FTCDNL1: variants seen among roughly 807,000 people sequenced by gnomAD.
FTCDNL1 encodes the protein formiminotransferase N-terminal subdomain-containing protein.
A neutral mutation model predicts 5.9 loss-of-function variants in FTCDNL1; 11 were observed. That is an observed-to-expected ratio of 1.87 (90% confidence interval 1.18 to 3.10). FTCDNL1 has a LOEUF of 3.10. Ranked by LOEUF, FTCDNL1 falls within the 30% of genes most tolerant of loss-of-function variation. FTCDNL1 has a pLI of 0.00. For missense variants in FTCDNL1, 115 were observed against 65.5 expected, an observed-to-expected ratio of 1.76 and a Z score of -2.61; for synonymous variants, 58 against 24.8, an observed-to-expected ratio of 2.34 and a Z score of -3.99.
chr2:199,729,119 A>G, the FTCDNL1 span, among the ~76,000 whole-genome samples: 4 of 152,240 alleles, frequency 2.6e-5, no homozygotes, highest in Non-Finnish European at 5.9e-5. Flanking sequence ...GACGGAATAC[A>G]TGACATTTGG....
Position 199,811,379 on chromosome 2 carries a change from T to A in FTCDNL1, c.*1326A>T, listed in dbSNP as rs7589545. On this transcript the variant is annotated 3_prime_UTR_variant, in exon 5 of 5. Coordinates refer to ENST00000420128, the MANE Select transcript of FTCDNL1 (RefSeq NM_001363886.2). ...CCTTATGTCCTAAAATCTAATGTAC[T>A]TATCCTATTTTGACTCAAGGAATGG... Among the ~76,000 whole-genome samples, 125,839 of 152,216 alleles carry A rather than the reference T, an allele frequency of 0.83. 52,128 individuals are homozygous for A. Among genetic ancestry groups the A allele is most frequent in the Admixed American group, 0.89 (13,636 of 15,294 alleles).
the FTCDNL1 span, among the ~76,000 whole-genome samples, chr2:199,702,741 A>G: frequency 6.6e-6 from 1 of 152,234 alleles, no homozygotes; most frequent in Non-Finnish European, 1.5e-5. Context: ...GCAAATAGTG[A>G]TAAAACACTG....
At chr2:199,837,180 G>A (rs1176969953) in intron 3 of FTCDNL1, among the ~76,000 whole-genome samples, 1 of 152,176 alleles carries the variant, frequency 6.6e-6, no homozygotes, top group South Asian at 2.1e-4. Flanking sequence ...ATGCATTTAT[G>A]AGCAACCCGG....
chr2:199,711,433 A>G, the FTCDNL1 span, among the ~76,000 whole-genome samples: 1 of 152,138 alleles, frequency 6.6e-6, no homozygotes, highest in East Asian at 1.9e-4. Flanking sequence ...GCTTTATTAG[A>G]AAAACATGTA....
chr2:199,848,699 T>C lies in FTCDNL1; in HGVS notation c.115+149A>G. 3 of 544,000 alleles carry C rather than the reference T, an allele frequency of 5.5e-6. No homozygotes were observed. The South Asian group carries it at 7.8e-5, about 14-fold the overall frequency. The allele number at this position is 544,000 out of a possible 1,614,324, so 33.7% of individuals were successfully genotyped here. ...ACTGAGCTATCTCAGTATCCTGGAG[T>C]TGCGCAGAGCTGCAACAGCTCAAGA... On this transcript the variant is annotated intron_variant, in intron 2 of 4. Coordinates refer to ENST00000420128, the MANE Select transcript of FTCDNL1 (RefSeq NM_001363886.2).
At chr2:199,697,423 G>T in the FTCDNL1 span, among the ~76,000 whole-genome samples, 2 of 152,130 alleles carry the variant, frequency 1.3e-5, no homozygotes, top group Admixed American at 1.3e-4. Flanking sequence ...GAGGCTAATA[G>T]TGAACCTTTA....
chr2:199,786,891 AGGTGTCACCT>A (rs1699678744), intron 3 of FTCDNL1, among the ~76,000 whole-genome samples: 2 of 152,206 alleles, frequency 1.3e-5, no homozygotes, highest in African/African-American at 4.8e-5. Context: ...GTGAAAATCA[AGGTGTCACCT>A]GGGCTCCATT....
intron 3 of FTCDNL1, among the ~76,000 whole-genome samples, chr2:199,827,896 T>C (rs1228576265): frequency 6.6e-6 from 1 of 152,210 alleles, no homozygotes; most frequent in Admixed American, 6.5e-5. Context: ...TCCTCTTCCA[T>C]TCTGTCATCT....
At chr2:199,799,824 C>A (rs1700354676) in intron 3 of FTCDNL1, among the ~76,000 whole-genome samples, 1 of 152,136 alleles carries the variant, frequency 6.6e-6, no homozygotes, top group African/African-American at 2.4e-5. Flanking sequence ...AATGTTTTGC[C>A]ATTCCCAGAC....
the FTCDNL1 span, among the ~76,000 whole-genome samples, chr2:199,750,684 G>A: frequency 1.4e-4 from 22 of 152,264 alleles, 1 homozygote; most frequent in South Asian, 4.6e-3. Context: ...GCCAGGTAGG[G>A]GCCCTGAAGA....
the FTCDNL1 span, among the ~76,000 whole-genome samples, chr2:199,687,718 G>A: frequency 1.3e-5 from 2 of 152,080 alleles, no homozygotes; most frequent in Non-Finnish European, 2.9e-5. Flanking sequence ...CTGACCATGG[G>A]AAATTACATT....
At chr2:199,679,676 T>C in the FTCDNL1 span, among the ~76,000 whole-genome samples, 1 of 152,042 alleles carries the variant, frequency 6.6e-6, no homozygotes, top group African/African-American at 2.4e-5. Context: ...TTTCAAATCA[T>C]ACGTGAACCT....
At chr2:199,787,327 C>T (rs753122935) in intron 3 of FTCDNL1, among the ~76,000 whole-genome samples, 21 of 151,978 alleles carry the variant, frequency 1.4e-4, no homozygotes, top group Admixed American at 1.0e-3. Flanking sequence ...GGATAACAGG[C>T]GCACACTACC....
At chr2:199,697,950 T>C in the FTCDNL1 span, among the ~76,000 whole-genome samples, 1 of 152,102 alleles carries the variant, frequency 6.6e-6, no homozygotes, top group Admixed American at 6.5e-5. Context: ...ATCAAGCAAA[T>C]GGAAAACAAA....
At chr2:199,813,756 C>T (rs1701174506) in intron 4 of FTCDNL1, among the ~76,000 whole-genome samples, 1 of 151,634 alleles carries the variant, frequency 6.6e-6, no homozygotes, top group African/African-American at 2.4e-5. Flanking sequence ...ACTGAAAATA[C>T]AAAAATTAGT....
rs1020537224 is a variant in FTCDNL1, at chr2:199,810,762, G to C, written c.*1943C>G. ...ACATTTCTAAAAGCAAAGTTAAGCA[G>C]GGATTGATGAGGAATAAAGGACTGA... On this transcript the variant is annotated 3_prime_UTR_variant, in exon 5 of 5. Coordinates refer to ENST00000420128, the MANE Select transcript of FTCDNL1 (RefSeq NM_001363886.2). Among the ~76,000 whole-genome samples, 5 of 152,190 alleles carry C rather than the reference G, an allele frequency of 3.3e-5. No homozygotes were observed. The highest frequency in any genetic ancestry group is 1.2e-4 in the African/African-American group (5 of 41,446).
At chr2:199,687,982 C>T in the FTCDNL1 span, among the ~76,000 whole-genome samples, 1 of 152,056 alleles carries the variant, frequency 6.6e-6, no homozygotes, top group Middle Eastern at 3.2e-3. Context: ...TGTGGTGGCT[C>T]ACGCCTGTAA....
At chr2:199,821,741 G>A (rs1701706611) in intron 3 of FTCDNL1, among the ~76,000 whole-genome samples, 1 of 152,206 alleles carries the variant, frequency 6.6e-6, no homozygotes, top group Non-Finnish European at 1.5e-5. Flanking sequence ...GGGATTTGAG[G>A]CATAAGCCAC....
chr2:199,737,494 T>C, the FTCDNL1 span, among the ~76,000 whole-genome samples: 2 of 152,228 alleles, frequency 1.3e-5, no homozygotes, highest in Non-Finnish European at 2.9e-5. Context: ...TACTCATAGG[T>C]ATACTAAATA....
Sources: allele counts gnomAD v4.1 joint callset (sites outside exome capture counted in the v4.1 genomes callset), GRCh38; gene constraint gnomAD v4.1.1; transcripts MANE v1.5; gene names NCBI Gene and HGNC (gene_info 2026-07-23, HGNC 2026-07-21).